Variants in CALN1 observed in about 807,000 individuals in gnomAD.
CALN1 encodes the protein calneuron 1, also known as calcium-binding protein 8.
A neutral mutation model predicts 30.6 loss-of-function variants in CALN1; 17 were observed. That is an observed-to-expected ratio of 0.56 (90% confidence interval 0.38 to 0.83). The LOEUF is 0.83. Among genes scored for constraint, CALN1 ranks in the 40% least tolerant of loss-of-function variants. The pLI is 0.00. For missense variants in CALN1, 291 were observed against 354.9 expected, an observed-to-expected ratio of 0.82 and a Z score of 1.45; for synonymous variants, 156 against 131.4, an observed-to-expected ratio of 1.19 and a Z score of -1.28.
chr7:72,319,732 A>C (rs1800739071), intron 2 of CALN1, among the ~76,000 whole-genome samples: 1 of 152,156 alleles, frequency 6.6e-6, no homozygotes, highest in Non-Finnish European at 1.5e-5. Flanking sequence ...AACAGAGGTA[A>C]ATCTGTGGTG....
rs1468514985 is a variant in CALN1 at position 72,278,939 on chromosome 7, G to A, written c.120-129C>T. On this transcript the variant is annotated intron_variant, in intron 2 of 6. Coordinates refer to ENST00000395275, the MANE Select transcript of CALN1 (RefSeq NM_031468.4). Reference sequence around the variant, plus strand: ...TAAAAATAGCAGTAATATTTCTAGTGGGAAAGTCAAGATATTTCCAGGGTC... The same window carrying A: ...TAAAAATAGCAGTAATATTTCTAGTAGGAAAGTCAAGATATTTCCAGGGTC... 2.3e-6 allele frequency: 3 copies of A among 1,306,262 alleles called. No individual in the cohort carries two copies. In the Admixed American group the frequency reaches 6.9e-5, roughly 30 times the overall value. 80.9% of individuals were successfully genotyped at this position (1,306,262 alleles called of 1,614,324 possible).
intron 5 of CALN1, among the ~76,000 whole-genome samples, chr7:71,824,092 T>C (rs1005867560): frequency 5.3e-5 from 8 of 152,072 alleles, no homozygotes; most frequent in Non-Finnish European, 1.2e-4. Context: ...ATCATGGGTG[T>C]CTCACTATGT....
At chr7:72,466,536 G>T in the CALN1 span, among the ~76,000 whole-genome samples, 653 of 152,258 alleles carry the variant, frequency 4.3e-3, 4 homozygotes, top group African/African-American at 0.015. Flanking sequence ...CTATGGTCAG[G>T]AGTTTGAGAC....
intron 5 of CALN1, among the ~76,000 whole-genome samples, chr7:71,813,651 C>T (rs1227166980): frequency 3.9e-5 from 6 of 152,040 alleles, no homozygotes; most frequent in African/African-American, 1.2e-4. Flanking sequence ...TCTTTGGGGC[C>T]GGGCGCGGTG....
At chr7:72,404,044 A>C (rs1806533148) in intron 1 of CALN1, among the ~76,000 whole-genome samples, 1 of 152,146 alleles carries the variant, frequency 6.6e-6, no homozygotes, top group Non-Finnish European at 1.5e-5. Flanking sequence ...CTCTAGGTCC[A>C]CTTGATGTCA....
At chr7:71,975,938 A>T (rs1441275633) in intron 5 of CALN1, among the ~76,000 whole-genome samples, 2 of 149,488 alleles carry the variant, frequency 1.3e-5, no homozygotes, top group African/African-American at 4.9e-5. Flanking sequence ...GATGGCAAAA[A>T]CTGCAATTAC....
At chr7:72,203,128 C>A (rs530375099) in intron 3 of CALN1, among the ~76,000 whole-genome samples, 2 of 152,022 alleles carry the variant, frequency 1.3e-5, no homozygotes, top group African/African-American at 4.8e-5. Flanking sequence ...TAAGTGGGAG[C>A]TGAACAATGA....
intron 4 of CALN1, among the ~76,000 whole-genome samples, chr7:72,093,781 G>T (rs1806032904): frequency 6.6e-6 from 1 of 152,124 alleles, no homozygotes; most frequent in Non-Finnish European, 1.5e-5. Flanking sequence ...TAACCCTGCA[G>T]GGAAGATGCC....
intron 5 of CALN1, among the ~76,000 whole-genome samples, chr7:71,844,841 T>G (rs188025852): frequency 6.6e-6 from 1 of 152,214 alleles, no homozygotes; most frequent in African/African-American, 2.4e-5. Flanking sequence ...TGTTTTAAAT[T>G]GGAAACAACA....
intron 6 of CALN1, among the ~76,000 whole-genome samples, chr7:71,798,748 A>C (rs1466281282): frequency 1.3e-5 from 2 of 150,490 alleles, no homozygotes; most frequent in African/African-American, 2.5e-5. Flanking sequence ...CAGCCCCCCA[A>C]GTAGCTGGGA....
At chr7:72,318,392 A>G (rs1478131831) in intron 2 of CALN1, among the ~76,000 whole-genome samples, 2 of 152,224 alleles carry the variant, frequency 1.3e-5, no homozygotes, top group Non-Finnish European at 2.9e-5. Context: ...AAAATCACAG[A>G]GCAAGGGACA....
At chr7:72,347,254 T>C (rs1021088291) in intron 2 of CALN1, among the ~76,000 whole-genome samples, 2 of 151,678 alleles carry the variant, frequency 1.3e-5, no homozygotes, top group Non-Finnish European at 2.9e-5. Flanking sequence ...TTTTCCTTTT[T>C]TCTTTTTTTT....
intron 2 of CALN1, among the ~76,000 whole-genome samples, chr7:72,355,863 G>A (rs1803189515): frequency 6.6e-6 from 1 of 152,054 alleles, no homozygotes; most frequent in African/African-American, 2.4e-5. Flanking sequence ...GGTTACAAAG[G>A]TTTATACATT....
chr7:71,801,574 ATCTACATG>A (rs1446983548), intron 6 of CALN1, among the ~76,000 whole-genome samples: 3 of 152,080 alleles, frequency 2.0e-5, no homozygotes, highest in Non-Finnish European at 4.4e-5. Flanking sequence ...CAGTTTCCTC[ATCTACATG>A]AAAATGGTAA....
intron 3 of CALN1, among the ~76,000 whole-genome samples, chr7:72,120,175 A>T (rs1808279678): frequency 6.6e-6 from 1 of 152,136 alleles, no homozygotes; most frequent in Non-Finnish European, 1.5e-5. Flanking sequence ...AAATGTCCCC[A>T]AAATGTATAT....
At chr7:71,897,484 A>G (rs1793593118) in intron 5 of CALN1, among the ~76,000 whole-genome samples, 1 of 152,170 alleles carries the variant, frequency 6.6e-6, no homozygotes, top group Non-Finnish European at 1.5e-5. Context: ...CTTCCTGTCC[A>G]AGGATAAAAG....
rs181334768 is a variant in CALN1, at chr7:72,238,953, T to C, written c.244+39733A>G. Among the ~76,000 whole-genome samples the C allele has an allele frequency of 1.2e-4, 19 of 152,294 alleles. No homozygotes were observed. The East Asian group carries it at 3.3e-3, about 26-fold the overall frequency. ...CTCATGATCAGACATCCCCCACTAA[T>C]GTGGACAAAGCTAGGAAGCAGGAGA... is the stretch of plus-strand genomic sequence containing the variant. On this transcript the variant is annotated intron_variant, in intron 3 of 6. Transcript: ENST00000395275.
chr7:71,986,057 T>TC lies in CALN1; in HGVS notation c.501+37599_501+37600insG, dbSNP rs1266948195. On this transcript the variant is annotated intron_variant, in intron 5 of 6. Transcript: ENST00000395275. Reference sequence around the variant, plus strand: ...GCATCAACATGGATAAATCTTTCTCTTTTTTTTTTGAGACAGAGTCTTGCT... The same window carrying TC: ...GCATCAACATGGATAAATCTTTCTCTCTTTTTTTTTGAGACAGAGTCTTGCT... 6.2e-5 allele frequency among the ~76,000 whole-genome samples: 7 copies of TC among 113,218 alleles called. No individual in the cohort carries two copies. The East Asian group carries it at 3.5e-3, about 56-fold the overall frequency. The allele number at this position is 113,218 out of a possible 152,430, so 74.3% of individuals were successfully genotyped here. A position where few individuals can be genotyped will look rare whatever the true frequency, so the allele number is the denominator to read the frequency against.
chr7:72,134,250 T>C lies in CALN1; in HGVS notation c.245-27956A>G, dbSNP rs186530740. ...CCTGCTGGCACCTTGATCTTAGACT[T>C]CTCAACTTCCAGAATTGTGGGAAAT... On this transcript the variant is annotated intron_variant, in intron 3 of 6. Transcript: ENST00000395275. Among the ~76,000 whole-genome samples the C allele has an allele frequency of 9.2e-5, 14 of 152,320 alleles. 1 individual carries two copies. In the East Asian group the frequency reaches 2.7e-3, roughly 29 times the overall value.
Sources: allele counts gnomAD v4.1 joint callset (sites outside exome capture counted in the v4.1 genomes callset), GRCh38; gene constraint gnomAD v4.1.1; transcripts MANE v1.5; gene names NCBI Gene and HGNC (gene_info 2026-07-23, HGNC 2026-07-21).